Variants in FBN2 observed in about 807,000 individuals in gnomAD.
The protein encoded by FBN2 is fibrillin 2.
Under a neutral mutation model 355.6 loss-of-function variants are expected in FBN2, and 105 were observed. The observed-to-expected ratio is 0.30, with a 90% CI of 0.25 to 0.35. FBN2 has a LOEUF of 0.35. FBN2 is among the 10% of genes least tolerant of loss of function. FBN2 has a pLI of 1.00. For missense variants in FBN2, 3,280 were observed against 3,758.7 expected (o/e 0.87, Z 3.33); for synonymous variants, 1,350 against 1,301.2 (o/e 1.04, Z -0.81).
intron 15 of FBN2, among the ~76,000 whole-genome samples, chr5:128,372,042 A>T (rs1751958500): frequency 6.6e-6 from 1 of 151,446 alleles, no homozygotes; most frequent in African/African-American, 2.4e-5. Flanking sequence ...TAATAACAAT[A>T]ATATCAGTAG....
intron 48 of FBN2, among the ~76,000 whole-genome samples, chr5:128,295,269 T>G (rs1749470817): frequency 1.3e-5 from 2 of 152,088 alleles, no homozygotes; most frequent in South Asian, 4.2e-4. Flanking sequence ...TCAGGTAGTG[T>G]GATGCCTCCA....
rs760432384 is a variant in FBN2, at chr5:128,339,171, C to A, written c.3344-110G>T. The A allele has an allele frequency of 3.6e-6, 4 of 1,119,028 alleles. No individual in the cohort carries two copies. The African/African-American group carries it at 6.1e-5, about 17-fold the overall frequency. The allele number at this position is 1,119,028 out of a possible 1,614,324, so 69.3% of individuals were successfully genotyped here. A position where few individuals can be genotyped will look rare whatever the true frequency, so the allele number is the denominator to read the frequency against. Reference sequence around the variant, plus strand: ...TTGGGGAAATTGCTGGCTAACAGTACAAGGGTATGTTTTCAGTAGACCCAG... The same window carrying A: ...TTGGGGAAATTGCTGGCTAACAGTAAAAGGGTATGTTTTCAGTAGACCCAG... On this transcript the variant is annotated intron_variant, in intron 25 of 64. Coordinates refer to ENST00000262464, the MANE Select transcript of FBN2 (RefSeq NM_001999.4).
intron 2 of FBN2, among the ~76,000 whole-genome samples, chr5:128,531,160 A>T (rs1756690861): frequency 6.6e-6 from 1 of 151,336 alleles, no homozygotes; most frequent in Admixed American, 6.6e-5. Context: ...ATATATGGTG[A>T]TATATATATA....
Position 128,285,628 on chromosome 5 carries a change from G to A in FBN2, c.7012+1090C>T, listed in dbSNP as rs1749127693. On this transcript the variant is annotated intron_variant, in intron 55 of 64. Transcript: ENST00000262464. ...CCCCACCACTCCTATCAATCATGCAGACTAAGTTTCTCACTGTATGCAGAT... is the reference window on the plus strand; with the variant it reads ...CCCCACCACTCCTATCAATCATGCAAACTAAGTTTCTCACTGTATGCAGAT... 2.0e-5 allele frequency among the ~76,000 whole-genome samples: 3 copies of A among 150,750 alleles called. No individual in the cohort carries two copies. The South Asian group carries it at 6.3e-4, about 32-fold the overall frequency.
At chr5:128,262,873 G>C (rs1298746616) in intron 63 of FBN2, among the ~76,000 whole-genome samples, 1 of 152,218 alleles carries the variant, frequency 6.6e-6, no homozygotes, top group Non-Finnish European at 1.5e-5. Flanking sequence ...TGGAACTTGA[G>C]ACAGTGCGCC....
At chr5:128,512,421 G>A (rs1305951419) in intron 5 of FBN2, among the ~76,000 whole-genome samples, 4 of 148,580 alleles carry the variant, frequency 2.7e-5, no homozygotes, top group Non-Finnish European at 4.4e-5. Context: ...GCTGAGGCAG[G>A]AGAATAGCTT....
At chr5:128,312,055 A>AG (rs1462277186) in intron 37 of FBN2, 102 bp from the exon 38 acceptor site, 1 of 777,492 alleles carries the variant, frequency 1.3e-6, no homozygotes, top group East Asian at 2.6e-5. Context: ...ACTCATCCTA[A>AG]GGGGTGTATC....
chr5:128,326,811 G>T (rs1418968581), intron 34 of FBN2, among the ~76,000 whole-genome samples: 1 of 152,106 alleles, frequency 6.6e-6, no homozygotes, highest in East Asian at 1.9e-4. Flanking sequence ...TCAGTTAGGA[G>T]TTTCTCTCTG....
intron 5 of FBN2, among the ~76,000 whole-genome samples, chr5:128,474,124 C>T (rs568399781): frequency 6.6e-6 from 1 of 152,236 alleles, no homozygotes; most frequent in Non-Finnish European, 1.5e-5. Context: ...AGATGTGGTC[C>T]TCAAATTCAC....
chr5:128,515,517 T>C (rs1756259006), intron 5 of FBN2, among the ~76,000 whole-genome samples: 1 of 152,120 alleles, frequency 6.6e-6, no homozygotes, highest in Non-Finnish European at 1.5e-5. Context: ...ACTAGAGATA[T>C]CCAGGCAGAG....
intron 20 of FBN2, among the ~76,000 whole-genome samples, chr5:128,353,142 T>C (rs1751411464): frequency 6.6e-6 from 1 of 151,188 alleles, no homozygotes; most frequent in Non-Finnish European, 1.5e-5. Flanking sequence ...TATTCTAGCC[T>C]GGGTGACACA....
At chr5:128,509,969 T>C (rs184774388) in intron 5 of FBN2, among the ~76,000 whole-genome samples, 8 of 152,332 alleles carry the variant, frequency 5.3e-5, no homozygotes, top group Admixed American at 1.3e-4. Flanking sequence ...CTCAGAAAGA[T>C]TCCTCACATG....
At chr5:128,367,482 C>A (rs986198707) in intron 16 of FBN2, among the ~76,000 whole-genome samples, 3 of 151,930 alleles carry the variant, frequency 2.0e-5, no homozygotes, top group South Asian at 2.1e-4. Context: ...ATGTAAATTC[C>A]ATAAAGATTA....
chr5:128,349,906 C>T (rs747833014), intron 22 of FBN2, 49 bp downstream of exon 22: 3 of 1,402,662 alleles, frequency 2.1e-6, no homozygotes, highest in Non-Finnish European at 3.0e-6. Context: ...GTTAATTTTA[C>T]TTACTGCTCA....
At chr5:128,316,405 G>A (rs1003325640) in intron 36 of FBN2, among the ~76,000 whole-genome samples, 3 of 152,118 alleles carry the variant, frequency 2.0e-5, no homozygotes, top group African/African-American at 7.2e-5. Context: ...ACCTACGAAA[G>A]GTTCCAATAG....
At chr5:128,479,976 C>CTA (rs200921131) in intron 5 of FBN2, among the ~76,000 whole-genome samples, 14 of 29,068 alleles carry the variant, frequency 4.8e-4, no homozygotes, top group South Asian at 4.1e-3. Flanking sequence ...CTCTCTCTCT[C>CTA]TATATATATA....
intron 15 of FBN2, among the ~76,000 whole-genome samples, chr5:128,370,180 C>A (rs1324754476): frequency 6.6e-6 from 1 of 151,946 alleles, no homozygotes; most frequent in Non-Finnish European, 1.5e-5. Context: ...CATAAAATAC[C>A]CTACAACTTT....
Position 128,328,221 on chromosome 5 carries a change from A to G in FBN2, c.4471+475T>C, listed in dbSNP as rs561892554. On this transcript the variant is annotated intron_variant, in intron 34 of 64. Transcript: ENST00000262464. ...GAATAAGGAACCACTAGTATTAAGCAAAAGTACAGCCCTTGCTGAATCCCT... is the reference window on the plus strand; with the variant it reads ...GAATAAGGAACCACTAGTATTAAGCGAAAGTACAGCCCTTGCTGAATCCCT... 1.2e-5 allele frequency: 3 copies of G among 247,404 alleles called. No individual in the cohort carries two copies. In the South Asian group the frequency reaches 1.7e-4, roughly 14 times the overall value. 15.3% of individuals were successfully genotyped at this position (247,404 alleles called of 1,614,324 possible).
At chr5:128,331,035 A>T (rs1420596981) in intron 32 of FBN2, among the ~76,000 whole-genome samples, 1 of 152,216 alleles carries the variant, frequency 6.6e-6, no homozygotes, top group Non-Finnish European at 1.5e-5. Flanking sequence ...TCTGAAGGTG[A>T]TACTGAATTT....
Sources: allele counts gnomAD v4.1 joint callset (sites outside exome capture counted in the v4.1 genomes callset), GRCh38; gene constraint gnomAD v4.1.1; transcripts MANE v1.5; gene names NCBI Gene and HGNC (gene_info 2026-07-23, HGNC 2026-07-21).